Variants in STK3 observed in about 807,000 individuals in gnomAD.
STK3 encodes serine/threonine kinase 3, also known as serine/threonine-protein kinase 3.
A neutral mutation model predicts 58.0 loss-of-function variants in STK3; 41 were observed. The ratio of observed to expected loss-of-function variants is 0.71; its 90% CI spans 0.55 to 0.92. The LOEUF is 0.92. Ranked by LOEUF, STK3 falls within the 40% of genes least tolerant of loss-of-function variation. The probability of loss-of-function intolerance (pLI) is 0.00; values close to 1 mark genes in which losing one functional copy is unlikely to be tolerated. For missense variants in STK3, 479 were observed against 602.7 expected (o/e 0.79, Z 2.15); for synonymous variants, 170 against 191.0 (o/e 0.89, Z 0.91).
rs1218257276 is a variant in STK3, at chr8:98,413,818, A to G, written n.484-12305T>C. 1.2e-5 allele frequency: 7 copies of G among 600,244 alleles called. No individual in the cohort carries two copies. In the Admixed American group the frequency reaches 1.5e-4, roughly 13 times the overall value. The allele number at this position is 600,244 out of a possible 1,614,324, so 37.2% of individuals were successfully genotyped here. A position where few individuals can be genotyped will look rare whatever the true frequency, so the allele number is the denominator to read the frequency against. On this transcript the variant is annotated intron_variant and non_coding_transcript_variant, in intron 3 of 3. Transcript: ENST00000517832. ...AGGGTGGGGGCCTCAGGGTTCACCCACAAACCCCTCCCAGATGGGGCCGCC... is the reference window on the plus strand; with the variant it reads ...AGGGTGGGGGCCTCAGGGTTCACCCGCAAACCCCTCCCAGATGGGGCCGCC...
chr8:98,649,452 T>G (rs1233362600), intron 6 of STK3, among the ~76,000 whole-genome samples: 3 of 152,190 alleles, frequency 2.0e-5, no homozygotes, highest in Admixed American at 6.5e-5. Context: ...GAATTCATAT[T>G]CTTCCATGTA....
intron 10 of STK3, among the ~76,000 whole-genome samples, chr8:98,491,235 A>G (rs993874046): frequency 2.6e-5 from 4 of 151,840 alleles, no homozygotes; most frequent in Non-Finnish European, 5.9e-5. Context: ...TTCTGTTTTT[A>G]TTAAAACAAT....
At chr8:98,890,666 C>T (rs748189553) in intron 1 of STK3, among the ~76,000 whole-genome samples, 12 of 152,292 alleles carry the variant, frequency 7.9e-5, no homozygotes, top group Non-Finnish European at 1.6e-4. Context: ...TACCCTCTTC[C>T]ACCACAGGCC....
chr8:98,841,439 A>T (rs1217991527), intron 3 of STK3, among the ~76,000 whole-genome samples: 1 of 152,166 alleles, frequency 6.6e-6, no homozygotes, highest in Admixed American at 6.5e-5. Context: ...AAAATAAAGC[A>T]TTATTTTATC....
chr8:98,909,424 T>C (rs1839048087), intron 1 of STK3, among the ~76,000 whole-genome samples: 1 of 152,250 alleles, frequency 6.6e-6, no homozygotes, highest in African/African-American at 2.4e-5. Flanking sequence ...TTCACAGATA[T>C]ATGTAACCAT....
In STK3 at chr8:98,925,303, A is replaced by G. The variant is rs536642626; in HGVS notation, c.-79+17075T>C. 2.0e-5 allele frequency among the ~76,000 whole-genome samples: 3 copies of G among 152,390 alleles called. No individual in the cohort carries two copies. The South Asian group carries it at 6.2e-4, about 32-fold the overall frequency. On this transcript the variant is annotated intron_variant, in intron 1 of 1. Transcript: ENST00000519420. ...TAGTGATTGCTCACATTTCAAGTAAAAACTGCAAAATAAGGCATCCAGACT... is the reference window on the plus strand; with the variant it reads ...TAGTGATTGCTCACATTTCAAGTAAGAACTGCAAAATAAGGCATCCAGACT...
intron 10 of STK3, among the ~76,000 whole-genome samples, chr8:98,457,353 G>T (rs1008369800): frequency 1.3e-5 from 2 of 152,152 alleles, no homozygotes; most frequent in East Asian, 3.9e-4. Context: ...GTACACATCG[G>T]TAATGGCCAC....
chr8:98,504,514 G>T (rs980747024), intron 10 of STK3, among the ~76,000 whole-genome samples: 1 of 152,184 alleles, frequency 6.6e-6, no homozygotes, highest in African/African-American at 2.4e-5. Flanking sequence ...GCATGTTTTT[G>T]CAGTGGCTGG....
intron 3 of STK3, among the ~76,000 whole-genome samples, chr8:98,872,206 G>A (rs1049397236): frequency 7.9e-5 from 12 of 152,304 alleles, no homozygotes; most frequent in African/African-American, 1.2e-4. Context: ...GTTGATCGTG[G>A]TGGATAAGCT....
chr8:98,475,560 A>G (rs1294162451), intron 10 of STK3, among the ~76,000 whole-genome samples: 2 of 152,206 alleles, frequency 1.3e-5, no homozygotes, highest in African/African-American at 4.8e-5. Flanking sequence ...TTGTTAAAGA[A>G]CAGACTCCAT....
intron 10 of STK3, 80 bp from the exon 11 acceptor site, chr8:98,456,080 T>C: frequency 7.6e-7 from 1 of 1,310,480 alleles, no homozygotes; most frequent in South Asian, 1.4e-5. Flanking sequence ...TAGACTTTAA[T>C]GTCTAATGAG....
At chr8:98,358,726 A>G in the STK3 span, among the ~76,000 whole-genome samples, 9 of 152,178 alleles carry the variant, frequency 5.9e-5, no homozygotes, top group African/African-American at 2.2e-4. Context: ...AGTGACAGGC[A>G]GAAATGCTAT....
chr8:98,501,780 TG>T (rs1192871978), intron 10 of STK3, among the ~76,000 whole-genome samples: 10 of 152,188 alleles, frequency 6.6e-5, no homozygotes. Context: ...GTTTTGGTAC[TG>T]GTACCATGCT....
chr8:98,894,044 C>T (rs1159248056), intron 1 of STK3, among the ~76,000 whole-genome samples: 1 of 152,196 alleles, frequency 6.6e-6, no homozygotes, highest in African/African-American at 2.4e-5. Context: ...TGTTATACTA[C>T]TGACCTCAGT....
At chr8:98,478,185 A>T (rs1821529116) in intron 10 of STK3, among the ~76,000 whole-genome samples, 1 of 152,170 alleles carries the variant, frequency 6.6e-6, no homozygotes, top group South Asian at 2.1e-4. Flanking sequence ...AAATGAGAGG[A>T]ATCTGTAAGG....
chr8:98,393,178 A>G (rs1482014379), upstream of STK3, among the ~76,000 whole-genome samples: 2 of 152,142 alleles, frequency 1.3e-5, no homozygotes, highest in Non-Finnish European at 2.9e-5. Context: ...TAGCAGCCAC[A>G]CATTCCTGGG....
At chr8:98,597,867 T>C in intron 6 of STK3, 1 of 981,922 alleles carries the variant, frequency 1.0e-6, no homozygotes, top group Non-Finnish European at 1.2e-6. Flanking sequence ...AACAACTGAG[T>C]GCCAGACAAT....
At chr8:98,566,987 GA>G (rs1716295415) in intron 8 of STK3, among the ~76,000 whole-genome samples, 1 of 152,074 alleles carries the variant, frequency 6.6e-6, no homozygotes. Flanking sequence ...AAGAAAAAAA[GA>G]AAAGAACCAG....
chr8:98,798,172 A>G (rs1833301054), intron 1 of STK3, among the ~76,000 whole-genome samples: 2 of 152,350 alleles, frequency 1.3e-5, no homozygotes, highest in Middle Eastern at 3.4e-3. Flanking sequence ...TAATGGCTAC[A>G]TTATTCTCCA....
Sources: allele counts gnomAD v4.1 joint callset (sites outside exome capture counted in the v4.1 genomes callset), GRCh38; gene constraint gnomAD v4.1.1; transcripts MANE v1.5; gene names NCBI Gene and HGNC (gene_info 2026-07-23, HGNC 2026-07-21).